Variants in ARHGEF10 observed in about 807,000 individuals in gnomAD.
The protein encoded by ARHGEF10 is Rho guanine nucleotide exchange factor 10.
A neutral mutation model predicts 147.4 loss-of-function variants in ARHGEF10; 140 were observed. The observed-to-expected ratio is 0.95, with a 90% CI of 0.83 to 1.09. The LOEUF is 1.09. ARHGEF10 is among the 50% of genes least tolerant of loss of function. ARHGEF10 has a pLI of 0.00. For missense variants in ARHGEF10, 2,222 were observed against 1,752.7 expected (o/e 1.27, Z -4.78); for synonymous variants, 902 against 695.8 (o/e 1.30, Z -4.67).
Position 1,923,823 on chromosome 8 carries a change from G to C in ARHGEF10, c.2437G>C (p.Ala813Pro). 6.2e-7 allele frequency: 1 copy of C among 1,614,166 alleles called. No homozygotes were observed. The highest frequency in any genetic ancestry group is 8.5e-7 in the Non-Finnish European group (1 of 1,180,032). The change falls in exon 21 of 29, where the codon GCC (alanine) becomes CCC (proline). Residue 813 changes from alanine (A) to proline (P), a missense_variant. By Grantham distance (27) the Ala-to-Pro change is conservative. Coordinates refer to ENST00000349830, the MANE Select transcript of ARHGEF10 (RefSeq NM_014629.4). ...AGCTGTGTTCAATACGTTCACCCCT[G>C]CCATCAAGGAGTCCTGGGTCAACAG... ...FTAVFNTFTP[A>P]IKESWVNSLQ... is the part of the protein sequence containing the mutation.
At chr8:1,875,899 G>T (rs1807656554) in intron 7 of ARHGEF10, among the ~76,000 whole-genome samples, 1 of 152,192 alleles carries the variant, frequency 6.6e-6, no homozygotes, top group Non-Finnish European at 1.5e-5. Context: ...TATTTTTAAG[G>T]CATGGAGATT....
chr8:1,831,097 G>A (rs1803070263), intron 1 of ARHGEF10, among the ~76,000 whole-genome samples: 1 of 152,246 alleles, frequency 6.6e-6, no homozygotes, highest in South Asian at 2.1e-4. Context: ...GTGTCAGAGC[G>A]GCTGGAAGGG....
rs756335006 is a variant in ARHGEF10, at chr8:1,909,330, G to C, written c.2003G>C (p.Arg668Thr). The change falls in exon 18 of 29, where the codon AGG becomes ACG. Residue 668 changes from arginine (R) to threonine (T), a missense_variant. Arg to Thr is a moderately conservative substitution (Grantham distance 71, BLOSUM62 -1). Coordinates refer to ENST00000349830, the MANE Select transcript of ARHGEF10 (RefSeq NM_014629.4). ...SHDSRVMSSQ[R>T]YLLKWSVPLG... ...GACAGCCGTGTGATGAGCAGCCAGA[G>C]GTACTTGCTGAAGTGGAGCGTTCCA... The C allele has an allele frequency of 6.8e-6, 11 of 1,614,126 alleles. No homozygotes were observed. Among genetic ancestry groups the C allele is most frequent in the Middle Eastern group, 3.3e-4 (2 of 6,084 alleles).
At position 1,928,368 on chromosome 8, in the gene ARHGEF10, C is replaced by T. The variant is rs765745684; in HGVS notation, c.2698-59C>T. Reference sequence around the variant, plus strand: ...GTGGCCTTTAAGGGTCAGGTTCCAGCGTATTATGGAAGCCGCCACATGGTC... The same window carrying T: ...GTGGCCTTTAAGGGTCAGGTTCCAGTGTATTATGGAAGCCGCCACATGGTC... On this transcript the variant is annotated intron_variant, in intron 23 of 28. Coordinates refer to ENST00000349830, the MANE Select transcript of ARHGEF10 (RefSeq NM_014629.4). 1.1e-4 allele frequency: 160 copies of T among 1,510,172 alleles called. 1 individual carries two copies. Among genetic ancestry groups the T allele is most frequent in the South Asian group, 1.8e-4 (16 of 88,922 alleles). 93.5% of individuals were successfully genotyped at this position (1,510,172 alleles called of 1,614,324 possible).
chr8:1,931,565 G>A (rs1454107772), intron 25 of ARHGEF10, among the ~76,000 whole-genome samples: 4 of 152,128 alleles, frequency 2.6e-5, no homozygotes, highest in Non-Finnish European at 4.4e-5. Context: ...GGGAGCGTGC[G>A]AGGCAGCCTG....
At chr8:1,901,650 G>A (rs1241326803) in intron 15 of ARHGEF10, among the ~76,000 whole-genome samples, 1 of 152,240 alleles carries the variant, frequency 6.6e-6, no homozygotes, top group Admixed American at 6.5e-5. Context: ...GCCCCCGGCT[G>A]TGCTCAGTGG....
rs6558566 is a variant in ARHGEF10, at chr8:1,957,562, G to A, written c.*299G>A. 0.94 allele frequency: 464,043 copies of A among 494,464 alleles called. 217,962 individuals carry two copies. The highest frequency in any genetic ancestry group is 1 in the East Asian group (27,159 of 27,188). The allele number at this position is 494,464 out of a possible 1,614,324, so 30.6% of individuals were successfully genotyped here. Reference sequence around the variant, plus strand: ...TCTTTTTGACTGCTGTAGTCCATATGTGAATACTAAATGTTAAACTTCATC... The same window carrying A: ...TCTTTTTGACTGCTGTAGTCCATATATGAATACTAAATGTTAAACTTCATC... On this transcript the variant is annotated 3_prime_UTR_variant, in exon 29 of 29. Transcript: ENST00000349830.
Position 1,957,348 on chromosome 8 carries a change from T to G in ARHGEF10, c.*85T>G. 1 of 1,527,368 alleles carries G rather than the reference T, an allele frequency of 6.5e-7. No individual in the cohort carries two copies. The highest frequency in any genetic ancestry group is 8.8e-7 in the Non-Finnish European group (1 of 1,133,388). 94.6% of individuals were successfully genotyped at this position (1,527,368 alleles called of 1,614,324 possible). On this transcript the variant is annotated 3_prime_UTR_variant, in exon 29 of 29. Transcript: ENST00000349830. Reference sequence around the variant, plus strand: ...CTACAGCCTGAGTGGTTAAGCTGTGTCTACACTGGTTGGGAATAAATTAAA... The same window carrying G: ...CTACAGCCTGAGTGGTTAAGCTGTGGCTACACTGGTTGGGAATAAATTAAA...
At chr8:1,833,438 G>GCAGGGGCAGAGA (rs1325976599) in intron 1 of ARHGEF10, among the ~76,000 whole-genome samples, 2 of 151,194 alleles carry the variant, frequency 1.3e-5, no homozygotes, top group African/African-American at 2.4e-5. Context: ...AGAGACAGAG[G>GCAGGGGCAGAGA]CAGGGGCAGA....
At chr8:1,828,173 C>T (rs761359243) in intron 1 of ARHGEF10, among the ~76,000 whole-genome samples, 1 of 152,234 alleles carries the variant, frequency 6.6e-6, no homozygotes, top group Non-Finnish European at 1.5e-5. Context: ...AGTCAGGCTC[C>T]TGCAAGTCGT....
At chr8:1,952,521 C>G (rs1163023849) in intron 27 of ARHGEF10, among the ~76,000 whole-genome samples, 184 bp from the exon 28 acceptor site, 4 of 152,232 alleles carry the variant, frequency 2.6e-5, no homozygotes, top group African/African-American at 9.6e-5. Context: ...CCCTCAAGAC[C>G]CTTGTCTTGC....
In ARHGEF10 at chr8:1,841,377, T is replaced by C. The variant is rs146017808; in HGVS notation, c.-47-1976T>C. ...ATGAGCAGCGCCTCCAGGGCGATTT[T>C]GGAAAGCAGAAAGGGGGTCAGAGAG... On this transcript the variant is annotated intron_variant, in intron 1 of 28. Transcript: ENST00000349830. Among the ~76,000 whole-genome samples the C allele has an allele frequency of 5.2e-3, 795 of 152,310 alleles. 3 individuals are homozygous for C. Among genetic ancestry groups the C allele is most frequent in the Non-Finnish European group, 6.3e-3 (429 of 68,024 alleles).
intron 18 of ARHGEF10, among the ~76,000 whole-genome samples, chr8:1,922,687 T>C (rs1812388002): frequency 6.6e-6 from 1 of 152,186 alleles, no homozygotes; most frequent in South Asian, 2.1e-4. Flanking sequence ...GATTTGACGG[T>C]CATGATACGC....
At chr8:1,945,962 C>T (rs1297103309) in intron 27 of ARHGEF10, 2 of 513,826 alleles carry the variant, frequency 3.9e-6, no homozygotes, top group African/African-American at 3.9e-5. Context: ...GAGACGATTT[C>T]TCATCATCGG....
In ARHGEF10 at chr8:1,937,504, CAGAG is replaced by C. The variant is rs1296384055; in HGVS notation, c.3222+3566_3222+3569del. 1.3e-5 allele frequency among the ~76,000 whole-genome samples: 2 copies of C among 152,198 alleles called. No homozygotes were observed. The highest frequency in any genetic ancestry group is 1.9e-4 in the East Asian group (1 of 5,200). Reference sequence around the variant, plus strand: ...TTATATGCTGTAAATCTCGAAGACTCAGAGAGAAGCAATGTGTTTGGATCCAGAT... The same window carrying C: ...TTATATGCTGTAAATCTCGAAGACTCAGAAGCAATGTGTTTGGATCCAGAT... On this transcript the variant is annotated intron_variant, in intron 26 of 28. Transcript: ENST00000349830. This position sits in a 1 kb window ranked among gnomAD's most constrained non-coding sequence, Gnocchi z 4.9.
rs1156340182 is a variant in ARHGEF10, at chr8:1,888,964, G to A, written c.1182+3257G>A. The stretch of plus-strand genomic sequence containing the variant: ...GACGAGACACTGAGTGGGGTGAGGG[G>A]TCTGCGAGGAGACACTGAGGTGTGA... On this transcript the variant is annotated intron_variant, in intron 11 of 28. Transcript: ENST00000349830. 3.2e-5 allele frequency among the ~76,000 whole-genome samples: 2 copies of A among 61,666 alleles called. 1 individual carries two copies. The allele number at this position is 61,666 out of a possible 152,430, so 40.5% of individuals were successfully genotyped here.
chr8:1,938,537 T>A (rs1297891810), intron 26 of ARHGEF10, among the ~76,000 whole-genome samples: 1 of 152,196 alleles, frequency 6.6e-6, no homozygotes, highest in Admixed American at 6.5e-5. Flanking sequence ...GGCGAGATAT[T>A]AAAGATGACC....
intron 1 of ARHGEF10, among the ~76,000 whole-genome samples, chr8:1,841,569 G>A (rs976506749): frequency 3.3e-5 from 5 of 152,160 alleles, no homozygotes; most frequent in Admixed American, 6.5e-5. Context: ...GCCATGTTGA[G>A]TGAACACGCG....
Position 1,890,018 on chromosome 8 carries a change from C to T in ARHGEF10, c.1183-3551C>T, listed in dbSNP as rs76661588. 4.8e-3 allele frequency among the ~76,000 whole-genome samples: 580 copies of T among 121,822 alleles called. 18 individuals are homozygous for T. Among genetic ancestry groups the T allele is most frequent in the Admixed American group, 0.043 (544 of 12,586 alleles). The allele number at this position is 121,822 out of a possible 152,430, so 79.9% of individuals were successfully genotyped here. On this transcript the variant is annotated intron_variant, in intron 11 of 28. Coordinates refer to ENST00000349830, the MANE Select transcript of ARHGEF10 (RefSeq NM_014629.4). Reference sequence around the variant, plus strand: ...GCAATCTGTGAGGAGACACTGAGTGCGGTGAGGGGTATTGAGACACTGAGT... The same window carrying T: ...GCAATCTGTGAGGAGACACTGAGTGTGGTGAGGGGTATTGAGACACTGAGT...
Sources: gnomAD v4.1 joint callset for allele counts (sites outside exome capture counted in the v4.1 genomes callset) on GRCh38, gnomAD v4.1.1 for gene constraint, Gnocchi (gnomAD v3.1) non-coding constraint, MANE v1.5 for transcripts, NCBI Gene and HGNC (gene_info 2026-07-23, HGNC 2026-07-21) for gene names.